KLRD1: variants seen among roughly 807,000 people sequenced by gnomAD.
KLRD1 encodes natural killer cells antigen CD94.
Under a neutral mutation model 22.6 loss-of-function variants are expected in KLRD1, and 21 were observed. That is an observed-to-expected ratio of 0.93 (90% CI 0.66 to 1.34). KLRD1 has a LOEUF of 1.34. KLRD1 is among the 40% of genes most tolerant of loss of function. KLRD1 has a pLI of 0.00. For missense variants in KLRD1, 183 were observed against 208.6 expected, an observed-to-expected ratio of 0.88 and a Z score of 0.76; for synonymous variants, 59 against 71.1, an observed-to-expected ratio of 0.83 and a Z score of 0.85.
chr12:10,312,599 C>T (rs566912220), intron 4 of KLRD1, among the ~76,000 whole-genome samples: 6 of 143,642 alleles, frequency 4.2e-5, no homozygotes, highest in African/African-American at 1.0e-4. Flanking sequence ...AGGATGGTCT[C>T]GATCTTCTGA....
chr12:10,279,354 A>G (rs1044960562), intron 1 of KLRD1, among the ~76,000 whole-genome samples: 1 of 152,172 alleles, frequency 6.6e-6, no homozygotes, highest in African/African-American at 2.4e-5. Context: ...TGTCATATGC[A>G]TGGCTGTTTT....
intron 1 of KLRD1, among the ~76,000 whole-genome samples, chr12:10,256,338 A>T (rs1565449643): frequency 6.8e-6 from 1 of 147,106 alleles, no homozygotes; most frequent in Non-Finnish European, 1.5e-5. Context: ...AAGGACTTAT[A>T]TTTTCCATTT....
rs113283488 is a variant in KLRD1 at position 10,249,172 on chromosome 12, G to A, written c.-101+22939G>A. Among the ~76,000 whole-genome samples, 666 of 152,214 alleles carry A rather than the reference G, an allele frequency of 4.4e-3. 10 individuals are homozygous for A. Among genetic ancestry groups the A allele is most frequent in the African/African-American group, 0.015 (630 of 41,504 alleles). ...AGTCATTGGCATCAGCCAACCGGTG[G>A]GGGAGATTCTAAATTAGGCTTAACA... On this transcript the variant is annotated intron_variant, in intron 1 of 5. Coordinates refer to the KLRD1 transcript ENST00000544747.
chr12:10,247,308 C>T (rs1949301878), intron 1 of KLRD1, among the ~76,000 whole-genome samples: 1 of 152,062 alleles, frequency 6.6e-6, no homozygotes, highest in African/African-American at 2.4e-5. Flanking sequence ...CTAATATCAT[C>T]TAAGTCATGA....
At chr12:10,254,541 A>C (rs1409065091) in intron 1 of KLRD1, among the ~76,000 whole-genome samples, 1 of 151,982 alleles carries the variant, frequency 6.6e-6, no homozygotes, top group African/African-American at 2.4e-5. Context: ...TATATCCAGC[A>C]TCTCGAAGGA....
chr12:10,306,016 A>G (rs1949919151), upstream of KLRD1, among the ~76,000 whole-genome samples: 2 of 152,044 alleles, frequency 1.3e-5, no homozygotes, highest in South Asian at 4.1e-4. Flanking sequence ...AAAAATACAA[A>G]AAATTAGCTG....
chr12:10,288,624 A>T (rs1949734299), intron 1 of KLRD1, among the ~76,000 whole-genome samples: 1 of 152,208 alleles, frequency 6.6e-6, no homozygotes, highest in African/African-American at 2.4e-5. Context: ...CATAGGGTTT[A>T]TGAAGATTAG....
At chr12:10,284,973 C>T (rs1372666332) in intron 1 of KLRD1, among the ~76,000 whole-genome samples, 1 of 148,462 alleles carries the variant, frequency 6.7e-6, no homozygotes, top group Admixed American at 6.7e-5. Context: ...AAGAGCGAAA[C>T]TCCATCTCAA....
At chr12:10,274,551 G>A (rs945747875) in intron 1 of KLRD1, among the ~76,000 whole-genome samples, 2 of 152,038 alleles carry the variant, frequency 1.3e-5, no homozygotes, top group Admixed American at 1.3e-4. Context: ...ATTAAATTGT[G>A]CTACCTGGAG....
rs1950307121 is a variant in KLRD1 at position 10,320,985 on chromosome 12, A to C, written c.*6192A>C. The stretch of plus-strand genomic sequence containing the variant: ...AAAACACTTTTGAGATGACTATGTC[A>C]GTAGAAAATTGACAATGAATTGCTA... On this transcript the variant is annotated 3_prime_UTR_variant, in exon 6 of 6. Transcript: ENST00000336164. 1.3e-5 allele frequency: 2 copies of C among 152,240 alleles called. No individual in the cohort carries two copies. The highest frequency in any genetic ancestry group is 6.5e-5 in the Admixed American group (1 of 15,284). The allele number at this position is 152,240 out of a possible 1,614,324, so 9.4% of individuals were successfully genotyped here. A position where few individuals can be genotyped will look rare whatever the true frequency, so the allele number is the denominator to read the frequency against.
chr12:10,307,896 A>G lies in KLRD1; in HGVS notation c.-182A>G. ...TTCACACTATAATACATGTCTCACCAATAGATGATTCAAGAACATCATTTA... is the reference window on the plus strand; with the variant it reads ...TTCACACTATAATACATGTCTCACCGATAGATGATTCAAGAACATCATTTA... On this transcript the variant is annotated 5_prime_UTR_variant, in exon 1 of 6. Transcript: ENST00000336164. 3.3e-6 allele frequency: 2 copies of G among 614,096 alleles called. No individual in the cohort carries two copies. The highest frequency in any genetic ancestry group is 2.8e-5 in the East Asian group (1 of 35,924). The allele number at this position is 614,096 out of a possible 1,614,324, so 38.0% of individuals were successfully genotyped here.
At chr12:10,244,075 G>A (rs1949267780) in intron 1 of KLRD1, among the ~76,000 whole-genome samples, 1 of 152,114 alleles carries the variant, frequency 6.6e-6, no homozygotes, top group Admixed American at 6.5e-5. Context: ...AATGGTCGAA[G>A]AATAGTGGCA....
chr12:10,297,855 C>T (rs1237839603), intron 1 of KLRD1, among the ~76,000 whole-genome samples: 2 of 152,174 alleles, frequency 1.3e-5, no homozygotes, highest in Non-Finnish European at 2.9e-5. Context: ...TCTAGACTTT[C>T]CCAGATGAAA....
chr12:10,282,679 A>G (rs906931828), intron 1 of KLRD1, among the ~76,000 whole-genome samples: 8 of 152,176 alleles, frequency 5.3e-5, no homozygotes, highest in African/African-American at 1.9e-4. Flanking sequence ...CTCTTTTGTA[A>G]GAAATATTGT....
chr12:10,239,469 C>CCTT (rs1555098486), intron 1 of KLRD1, among the ~76,000 whole-genome samples: 2 of 122,322 alleles, frequency 1.6e-5, no homozygotes, highest in East Asian at 2.6e-4. Flanking sequence ...TTCCTTCCTT[C>CCTT]CTTCCTTCCT....
At chr12:10,286,474 G>T (rs1488308458) in intron 1 of KLRD1, among the ~76,000 whole-genome samples, 2 of 151,830 alleles carry the variant, frequency 1.3e-5, no homozygotes, top group African/African-American at 4.9e-5. Flanking sequence ...TCTTAAAGGG[G>T]TTATGTAACC....
At chr12:10,277,010 A>G (rs753913887) in intron 1 of KLRD1, among the ~76,000 whole-genome samples, 79 of 152,184 alleles carry the variant, frequency 5.2e-4, no homozygotes, top group Admixed American at 9.8e-4. Flanking sequence ...TTGTGTGGTT[A>G]GGGCATGGCA....
Position 10,311,474 on chromosome 12 carries a change from C to G in KLRD1, c.174C>G (p.Cys58Trp), listed in dbSNP as rs1445867440. 6.2e-7 allele frequency: 1 copy of G among 1,613,742 alleles called. No individual in the cohort carries two copies. Among genetic ancestry groups the G allele is most frequent in the Non-Finnish European group, 8.5e-7 (1 of 1,179,684 alleles). Residue 58 changes from cysteine (C) to tryptophan (W), a missense_variant, in exon 4 of 6, where the codon TGC becomes TGG. Physicochemically the swap from Cys to Trp is radical, Grantham distance 215. Coordinates refer to ENST00000336164, the MANE Select transcript of KLRD1 (RefSeq NM_002262.5). The part of the protein sequence containing the change: ...PNIELQKDSD[C>W]CSCQEKWVGY... ...TATGTTTTCTGTCAGACTCTGACTG[C>G]TGTTCTTGCCAAGAAAAATGGGTTG...
At chr12:10,302,270 G>C (rs187288631), upstream of KLRD1, among the ~76,000 whole-genome samples, 88 of 152,244 alleles carry the variant, frequency 5.8e-4, no homozygotes, top group African/African-American at 2.0e-3. Context: ...CAATAAAGTA[G>C]GTTGCAATAA....
Sources: allele counts gnomAD v4.1 joint callset (sites outside exome capture counted in the v4.1 genomes callset), GRCh38; gene constraint gnomAD v4.1.1; transcripts MANE v1.5; gene names NCBI Gene and HGNC (gene_info 2026-07-23, HGNC 2026-07-21).